Variants in ABCC4 observed in about 807,000 individuals in gnomAD.
ABCC4 encodes ATP-binding cassette sub-family C member 4.
Under a neutral mutation model 168.5 loss-of-function variants are expected in ABCC4, and 102 were observed. That is an observed-to-expected ratio of 0.61 (90% confidence interval 0.52 to 0.71). The LOEUF is 0.71. ABCC4 is among the 30% of genes least tolerant of loss of function. The pLI is 0.00. For missense variants in ABCC4, 1,402 were observed against 1,605.8 expected (o/e 0.87, Z 2.17); for synonymous variants, 617 against 590.7 (o/e 1.04, Z -0.65).
chr13:95,213,464 G>C (rs961689127), intron 4 of ABCC4, among the ~76,000 whole-genome samples: 1 of 152,196 alleles, frequency 6.6e-6, no homozygotes, highest in Admixed American at 6.5e-5. Context: ...TGCCCCAGAA[G>C]TTTCAGTAGG....
chr13:95,068,665 C>G (rs17268066), intron 25 of ABCC4, among the ~76,000 whole-genome samples: 14,909 of 152,250 alleles, frequency 0.098, 983 homozygotes, highest in Admixed American at 0.17. Context: ...ATTCAATTTA[C>G]CCTCCCACAT....
rs148819884 is a variant in ABCC4, at chr13:95,133,776, G to C, written c.2456-17775C>G. Among the ~76,000 whole-genome samples, 86 of 152,322 alleles carry C rather than the reference G, an allele frequency of 5.6e-4. 1 individual carries two copies. The highest frequency in any genetic ancestry group is 2.0e-3 in the African/African-American group (84 of 41,564). On this transcript the variant is annotated intron_variant, in intron 19 of 30. Coordinates refer to ENST00000645237, the MANE Select transcript of ABCC4 (RefSeq NM_005845.5). ...TGGTGGCAGAGAAGGGTGCTGAAGG[G>C]ACACAAGAGCCACCTTATGCAGAGA...
intron 3 of ABCC4, among the ~76,000 whole-genome samples, chr13:95,236,210 A>C (rs1478353719): frequency 6.6e-6 from 1 of 152,046 alleles, no homozygotes; most frequent in African/African-American, 2.4e-5. Flanking sequence ...AACAAAGAAA[A>C]CCAAACACTC....
chr13:95,206,386 G>A, intron 8 of ABCC4, 146 bp downstream of exon 8: 1 of 1,060,080 alleles, frequency 9.4e-7, no homozygotes, highest in Middle Eastern at 3.1e-4. Context: ...AGATAGGGAA[G>A]TACACACAAC....
At chr13:95,099,938 A>T (rs1682162264) in intron 20 of ABCC4, among the ~76,000 whole-genome samples, 1 of 152,240 alleles carries the variant, frequency 6.6e-6, no homozygotes, top group South Asian at 2.1e-4. Flanking sequence ...GCAAGATTTT[A>T]ATAAAACTCA....
At chr13:95,177,358 A>C (rs1073500) in intron 13 of ABCC4, among the ~76,000 whole-genome samples, 92,650 of 151,792 alleles carry the variant, frequency 0.61, 29,176 homozygotes, top group African/African-American at 0.77. Context: ...TGAAAAATGG[A>C]GTACCATCTT....
At chr13:95,047,474 T>A (rs1432554360) in intron 27 of ABCC4, among the ~76,000 whole-genome samples, 1 of 90,410 alleles carries the variant, frequency 1.1e-5, no homozygotes, top group African/African-American at 3.8e-5. Context: ...ATACTGCCTA[T>A]TCTTTTTTTT....
At chr13:95,171,776 T>C (rs1000966722) in intron 13 of ABCC4, among the ~76,000 whole-genome samples, 1 of 152,196 alleles carries the variant, frequency 6.6e-6, no homozygotes, top group African/African-American at 2.4e-5. Context: ...ACTGCAGATA[T>C]GTAAACTATC....
At chr13:95,022,422 A>C (rs1022639244) in intron 30 of ABCC4, among the ~76,000 whole-genome samples, 1 of 152,254 alleles carries the variant, frequency 6.6e-6, no homozygotes, top group Non-Finnish European at 1.5e-5. Context: ...CAGAACATAA[A>C]GGAAATGAAA....
At chr13:95,157,854 G>A (rs745888614) in intron 19 of ABCC4, among the ~76,000 whole-genome samples, 9 of 151,940 alleles carry the variant, frequency 5.9e-5, no homozygotes, top group Non-Finnish European at 1.3e-4. Flanking sequence ...GGCAGATCAC[G>A]AGGTCAGGAG....
At chr13:95,118,370 C>A (rs976253470) in intron 19 of ABCC4, among the ~76,000 whole-genome samples, 10 of 151,864 alleles carry the variant, frequency 6.6e-5, no homozygotes, top group African/African-American at 2.2e-4. Flanking sequence ...CAGCCTCCCG[C>A]GTAGCTGAGA....
rs2031077804 is a variant in ABCC4 at position 95,021,406 on chromosome 13, T to C, written c.*169A>G. 2 of 542,264 alleles carry C rather than the reference T, an allele frequency of 3.7e-6. No individual in the cohort carries two copies. The highest frequency in any genetic ancestry group is 7.0e-5 in the Admixed American group (2 of 28,480). 33.6% of individuals were successfully genotyped at this position (542,264 alleles called of 1,614,324 possible). A position where few individuals can be genotyped will look rare whatever the true frequency, so the allele number is the denominator to read the frequency against. ...TGACATTTAAATAAAAATAAACCAT[T>C]TTGTTAGAGCTGGAGATCCTTGGAT... On this transcript the variant is annotated 3_prime_UTR_variant, in exon 31 of 31. Coordinates refer to ENST00000645237, the MANE Select transcript of ABCC4 (RefSeq NM_005845.5).
chr13:95,279,739 C>G (rs1000004254), intron 1 of ABCC4, among the ~76,000 whole-genome samples: 1 of 152,048 alleles, frequency 6.6e-6, no homozygotes, highest in Non-Finnish European at 1.5e-5. Context: ...GATTTGCTGA[C>G]CCCAGTGGGT....
At chr13:95,121,427 TTTTG>T (rs1190325857) in intron 19 of ABCC4, among the ~76,000 whole-genome samples, 1 of 140,632 alleles carries the variant, frequency 7.1e-6, no homozygotes, top group Non-Finnish European at 1.6e-5. Context: ...TGGGGTTTTT[TTTTG>T]TTTTTTTTTT....
intron 8 of ABCC4, among the ~76,000 whole-genome samples, chr13:95,197,483 T>C (rs1274375750): frequency 6.6e-6 from 1 of 152,186 alleles, no homozygotes; most frequent in Non-Finnish European, 1.5e-5. Flanking sequence ...ACAGACATGA[T>C]AATAGTTTAG....
chr13:95,076,531 G>A (rs2033913097), intron 21 of ABCC4, among the ~76,000 whole-genome samples: 1 of 149,262 alleles, frequency 6.7e-6, no homozygotes, highest in Non-Finnish European at 1.5e-5. Flanking sequence ...TTTTAAGAGG[G>A]AGTTGCCGCC....
chr13:95,247,560 A>G, intron 2 of ABCC4, 83 bp downstream of exon 2: 1 of 1,041,370 alleles, frequency 9.6e-7, no homozygotes, highest in Admixed American at 1.9e-5. Context: ...GAGGCTCCAG[A>G]CAGGACCCAG....
intron 19 of ABCC4, among the ~76,000 whole-genome samples, chr13:95,153,789 A>G (rs549432666): frequency 3.6e-4 from 55 of 152,340 alleles, no homozygotes; most frequent in African/African-American, 1.2e-3. Flanking sequence ...CCAGCTGTAG[A>G]CAAGTGCTAC....
intron 3 of ABCC4, among the ~76,000 whole-genome samples, chr13:95,239,758 G>A (rs574837818): frequency 3.4e-4 from 50 of 146,274 alleles, no homozygotes; most frequent in African/African-American, 1.2e-3. Flanking sequence ...TTTGAAAATC[G>A]GTTTTAAAAA....
Sources: allele counts gnomAD v4.1 joint callset (sites outside exome capture counted in the v4.1 genomes callset), GRCh38; gene constraint gnomAD v4.1.1; transcripts MANE v1.5; gene names NCBI Gene and HGNC (gene_info 2026-07-23, HGNC 2026-07-21).